PLIN2: variants seen among roughly 807,000 people sequenced by gnomAD.
PLIN2 encodes perilipin 2, also known as perilipin-2.
Under a neutral mutation model 30.6 loss-of-function variants are expected in PLIN2, and 33 were observed. The observed-to-expected ratio is 1.08, with a 90% CI of 0.82 to 1.44. The LOEUF (loss-of-function observed/expected upper bound fraction) is 1.44. Among genes scored for constraint, PLIN2 ranks in the 40% most tolerant of loss-of-function variants. PLIN2 has a pLI of 0.00. For missense variants in PLIN2, 610 were observed against 531.8 expected (o/e 1.15, Z -1.45); for synonymous variants, 205 against 201.1 (o/e 1.02, Z -0.16).
In PLIN2 at chr9:19,118,403, G is replaced by C; in HGVS notation, c.830C>G (p.Ala277Gly). Reference protein sequence around the residue: ...VYSANQKIQDAQDKLYLSWVE... With the variant: ...VYSANQKIQDGQDKLYLSWVE... ...CCATGAGAGGTAGAGCTTATCCTGA[G>C]CATCCTGAATTTTCTGATTGGCACT... Residue 277 changes from alanine to glycine, a missense_variant, in exon 7 of 8, where the codon GCT becomes GGT. Ala to Gly is a moderately conservative substitution (Grantham distance 60). Coordinates refer to ENST00000276914, the MANE Select transcript of PLIN2 (RefSeq NM_001122.4). 4.3e-6 allele frequency: 7 copies of C among 1,613,412 alleles called. No individual in the cohort carries two copies. Among genetic ancestry groups the C allele is most frequent in the Non-Finnish European group, 5.9e-6 (7 of 1,179,496 alleles).
At chr9:19,115,314 T>C (rs1159954104), downstream of PLIN2, among the ~76,000 whole-genome samples, 2 of 151,288 alleles carry the variant, frequency 1.3e-5, no homozygotes, top group East Asian at 3.9e-4. Flanking sequence ...TCTTTTCTTT[T>C]TTTTTTTTTT....
At chr9:19,120,382 T>C (rs1236562194) in intron 5 of PLIN2, among the ~76,000 whole-genome samples, 1 of 152,184 alleles carries the variant, frequency 6.6e-6, no homozygotes, top group African/African-American at 2.4e-5. Flanking sequence ...GCATGGTACC[T>C]GGCACACATT....
intron 4 of PLIN2, among the ~76,000 whole-genome samples, chr9:19,121,990 A>G (rs1483825163): frequency 6.6e-6 from 1 of 151,394 alleles, no homozygotes. Flanking sequence ...GTGCCTGTGA[A>G]CCCAGCTACT....
chr9:19,116,391 A>T lies in PLIN2; in HGVS notation c.1171T>A (p.Tyr391Asn). 6.2e-7 allele frequency: 1 copy of T among 1,614,218 alleles called. No homozygotes were observed. Reference sequence around the variant, plus strand: ...TTGAGGGGCGTGTTGTTAACAAGATAATCCATCACGTCATCTAAAGATTCC... The same window carrying T: ...TTGAGGGGCGTGTTGTTAACAAGATTATCCATCACGTCATCTAAAGATTCC... ...MKESLDDVMD[Y>N]LVNNTPLNWL... Residue 391 changes from tyrosine to asparagine, a missense_variant, in exon 8 of 8, where the codon TAT (tyrosine) becomes AAT (asparagine). Tyr to Asn is a moderately radical substitution (Grantham distance 143). Coordinates refer to ENST00000276914, the MANE Select transcript of PLIN2 (RefSeq NM_001122.4).
chr9:19,124,891 T>A (rs1008549984), intron 3 of PLIN2, among the ~76,000 whole-genome samples: 2 of 152,118 alleles, frequency 1.3e-5, no homozygotes, highest in Non-Finnish European at 2.9e-5. Context: ...TATTCAACAA[T>A]AAAAAGAGAT....
chr9:19,111,555 G>A (rs1368039985), downstream of PLIN2, among the ~76,000 whole-genome samples: 2 of 151,990 alleles, frequency 1.3e-5, no homozygotes, highest in East Asian at 3.9e-4. Context: ...TACGACCTGG[G>A]ACTAGCCCAG....
Position 19,126,216 on chromosome 9 carries a change from A to G in PLIN2, c.124T>C (p.Tyr42His). The G allele has an allele frequency of 2.5e-6, 4 of 1,614,168 alleles. No individual in the cohort carries two copies. The highest frequency in any genetic ancestry group is 2.5e-6 in the Non-Finnish European group (3 of 1,180,004). ...AYLSTKDQYPYLKSVCEMAEN... is the reference protein window; with the variant it reads ...AYLSTKDQYPHLKSVCEMAEN... Reference sequence around the variant, plus strand: ...GCCATCTCACACACAGACTTCAGGTAGGGATACTGGTCCTTTGTACTGAGA... The same window carrying G: ...GCCATCTCACACACAGACTTCAGGTGGGGATACTGGTCCTTTGTACTGAGA... The change falls in exon 3 of 8, where the codon TAC becomes CAC. Residue 42 changes from tyrosine (Y) to histidine (H), a missense_variant. Physicochemically the swap from Tyr to His is moderately conservative, Grantham distance 83 (BLOSUM62 2). Transcript: ENST00000276914.
chr9:19,123,152 C>G lies in PLIN2; in HGVS notation c.309+413G>C, dbSNP rs76015193. ...CCAAAGGATCACCAGGACAGACAAG[C>G]CTATCATTTTTGTCAACACTGGCTA... is the stretch of plus-strand genomic sequence containing the variant. On this transcript the variant is annotated intron_variant, in intron 4 of 7. Transcript: ENST00000276914. The G allele has an allele frequency of 4.3e-3, 2,446 of 565,034 alleles. 64 individuals carry two copies. In the East Asian group the frequency reaches 0.058, roughly 13 times the overall value. 35.0% of individuals were successfully genotyped at this position (565,034 alleles called of 1,614,324 possible).
At chr9:19,125,922 CAA>C (rs11394383) in intron 3 of PLIN2, 190 bp downstream of exon 3, 4,430 of 402,304 alleles carry the variant, frequency 0.011, no homozygotes, top group South Asian at 0.019. Flanking sequence ...GACTCCATCT[CAA>C]AAAAAAAAAA....
At chr9:19,124,177 C>G (rs1395568530) in intron 3 of PLIN2, among the ~76,000 whole-genome samples, 1 of 152,080 alleles carries the variant, frequency 6.6e-6, no homozygotes, top group African/African-American at 2.4e-5. Flanking sequence ...GAGGCAGTGA[C>G]AGGCCAAACA....
intron 2 of PLIN2, among the ~76,000 whole-genome samples, chr9:19,110,290 A>G (rs1818141730): frequency 6.6e-6 from 1 of 151,854 alleles, no homozygotes. Flanking sequence ...GGCTTCCCAA[A>G]ATGTTGGGAT....
chr9:19,108,997 A>T (rs902812866), intron 2 of PLIN2, among the ~76,000 whole-genome samples: 1 of 152,212 alleles, frequency 6.6e-6, no homozygotes, highest in Non-Finnish European at 1.5e-5. Flanking sequence ...AAAATACCAG[A>T]TATAAAGCAT....
downstream of PLIN2, among the ~76,000 whole-genome samples, chr9:19,113,171 C>T (rs556834116): frequency 2.1e-3 from 322 of 152,000 alleles, no homozygotes; most frequent in South Asian, 0.017. Context: ...GGTGAAACCC[C>T]ATCTCTACTA....
At chr9:19,113,081 G>A (rs868605495), downstream of PLIN2, among the ~76,000 whole-genome samples, 2 of 151,988 alleles carry the variant, frequency 1.3e-5, no homozygotes, top group Non-Finnish European at 2.9e-5. Flanking sequence ...GGTGGCTCAC[G>A]CCTGTAATCC....
chr9:19,120,298 G>A (rs1160793922), intron 5 of PLIN2, among the ~76,000 whole-genome samples: 1 of 152,052 alleles, frequency 6.6e-6, no homozygotes, highest in African/African-American at 2.4e-5. Flanking sequence ...CGATCTGCCT[G>A]TCTTAGCCTC....
At chr9:19,110,706 C>T (rs1430005450) in intron 2 of PLIN2, among the ~76,000 whole-genome samples, 1 of 152,120 alleles carries the variant, frequency 6.6e-6, no homozygotes, top group Non-Finnish European at 1.5e-5. Context: ...GAACTCCTGA[C>T]CTCAGGTGAT....
downstream of PLIN2, among the ~76,000 whole-genome samples, chr9:19,112,705 C>CAAAAAAA (rs34857189): frequency 2.9e-5 from 2 of 68,564 alleles, no homozygotes; most frequent in Non-Finnish European, 2.9e-5. Flanking sequence ...GAGCCCATCT[C>CAAAAAAA]AAAAAAAAAA....
chr9:19,118,581 T>G, intron 6 of PLIN2, 126 bp from the exon 7 acceptor site: 2 of 736,506 alleles, frequency 2.7e-6, no homozygotes, highest in Non-Finnish European at 4.3e-6. Context: ...ATAAGATCTA[T>G]TCCTGCTATC....
intron 4 of PLIN2, 26 bp downstream of exon 4, chr9:19,123,539 T>C: frequency 6.2e-7 from 1 of 1,614,160 alleles, no homozygotes; most frequent in Non-Finnish European, 8.5e-7. Flanking sequence ...AAGTGTCAAG[T>C]CTCAGCACTT....
Sources: allele counts gnomAD v4.1 joint callset (sites outside exome capture counted in the v4.1 genomes callset), GRCh38; gene constraint gnomAD v4.1.1; transcripts MANE v1.5; gene names NCBI Gene and HGNC (gene_info 2026-07-23, HGNC 2026-07-21).